TBC1D1: variants seen among roughly 807,000 people sequenced by gnomAD.
TBC1D1 encodes the protein TBC1 domain family member 1.
TBC1D1 carries 89 observed loss-of-function variants against 125.6 expected under a neutral mutation model. The observed-to-expected ratio is 0.71, with a 90% CI of 0.60 to 0.85. The LOEUF is 0.85. Ranked by LOEUF, TBC1D1 falls within the 40% of genes least tolerant of loss-of-function variation. The probability of loss-of-function intolerance (pLI) is 0.00; values close to 1 mark genes in which losing one functional copy is unlikely to be tolerated. For missense variants in TBC1D1, 1,377 were observed against 1,469.2 expected (o/e 0.94, Z 1.03); for synonymous variants, 565 against 564.1 (o/e 1.00, Z -0.02).
At chr4:38,058,545 G>A (rs1368104517) in intron 12 of TBC1D1, among the ~76,000 whole-genome samples, 1 of 152,198 alleles carries the variant, frequency 6.6e-6, no homozygotes, top group Admixed American at 6.5e-5. Context: ...GTGTGCTTGT[G>A]AGAAATAGAT....
intron 2 of TBC1D1, among the ~76,000 whole-genome samples, chr4:37,935,762 A>G (rs949071585): frequency 6.6e-6 from 1 of 152,134 alleles, no homozygotes; most frequent in Non-Finnish European, 1.5e-5. Flanking sequence ...AGCTAATAAG[A>G]GTCTCCGTTT....
intron 13 of TBC1D1, among the ~76,000 whole-genome samples, chr4:38,090,566 C>G (rs550842137): frequency 1.3e-5 from 2 of 151,984 alleles, no homozygotes; most frequent in South Asian, 4.1e-4. Flanking sequence ...TGCAAGTAAT[C>G]TGAAAAAAAA....
At chr4:37,971,417 G>A (rs1731994344) in intron 2 of TBC1D1, among the ~76,000 whole-genome samples, 1 of 152,170 alleles carries the variant, frequency 6.6e-6, no homozygotes, top group Non-Finnish European at 1.5e-5. Flanking sequence ...GAGAAGAATT[G>A]AGAGCCGAAC....
chr4:38,137,045 G>GTGCTCCCAAGGC, intron 19 of TBC1D1, 90 bp from the exon 22 acceptor site: 12 of 1,592,542 alleles, frequency 7.5e-6, no homozygotes, highest in Non-Finnish European at 1.0e-5. Flanking sequence ...CGGCTCCAGA[G>GTGCTCCCAAGGC]TGCTCCCAAG....
At chr4:38,133,331 C>T in intron 19 of TBC1D1, 74 bp downstream of exon 21, 1 of 1,421,746 alleles carries the variant, frequency 7.0e-7, no homozygotes. Flanking sequence ...AAGGCAACAG[C>T]AGGCTGGGCT....
chr4:38,045,419 G>A (rs1197828227), intron 9 of TBC1D1, among the ~76,000 whole-genome samples: 2 of 152,166 alleles, frequency 1.3e-5, no homozygotes, highest in African/African-American at 2.4e-5. Context: ...CCAGAGTTGG[G>A]AGGGGCTGCA....
intron 11 of TBC1D1, among the ~76,000 whole-genome samples, chr4:38,051,119 A>G (rs1043389144): frequency 6.6e-6 from 1 of 152,170 alleles, no homozygotes; most frequent in East Asian, 1.9e-4. Context: ...GGAGAGTCCT[A>G]GTTCTCTTGT....
At chr4:38,028,130 C>CAAAAA (rs543949534) in intron 7 of TBC1D1, among the ~76,000 whole-genome samples, 3 of 150,362 alleles carry the variant, frequency 2.0e-5, no homozygotes, top group East Asian at 1.9e-4. Flanking sequence ...AACAAACAAA[C>CAAAAA]AAAAAAAACA....
At chr4:38,061,862 T>TTTTACATGAAACATGA (rs1453418867) in intron 12 of TBC1D1, among the ~76,000 whole-genome samples, 1 of 152,204 alleles carries the variant, frequency 6.6e-6, no homozygotes, top group Non-Finnish European at 1.5e-5. Context: ...GATTTACATG[T>TTTTACATGAAACATGA]TTTACATGAA....
chr4:37,906,926 T>C (rs1717475127), intron 2 of TBC1D1, among the ~76,000 whole-genome samples: 1 of 152,236 alleles, frequency 6.6e-6, no homozygotes, highest in Non-Finnish European at 1.5e-5. Flanking sequence ...TTGGGTTATA[T>C]CTACTAATAT....
intron 17 of TBC1D1, among the ~76,000 whole-genome samples, chr4:38,121,221 C>A (rs999100107): frequency 3.9e-5 from 6 of 152,198 alleles, no homozygotes; most frequent in Admixed American, 1.3e-4. Flanking sequence ...TGGAGGACCG[C>A]AGCCTTCCAG....
intron 15 of TBC1D1, chr4:38,110,085 G>T (rs1284622091): frequency 6.0e-6 from 2 of 335,992 alleles, no homozygotes; most frequent in African/African-American, 4.5e-5. Flanking sequence ...TTTGTGGGTG[G>T]CCCCGTGTTT....
At chr4:37,970,947 C>CA (rs1050074450) in intron 2 of TBC1D1, among the ~76,000 whole-genome samples, 2 of 152,212 alleles carry the variant, frequency 1.3e-5, no homozygotes, top group African/African-American at 4.8e-5. Flanking sequence ...ACTGGCCCCC[C>CA]CCACTAGAGG....
chr4:38,035,299 G>A (rs1746997299), intron 7 of TBC1D1, among the ~76,000 whole-genome samples: 1 of 152,032 alleles, frequency 6.6e-6, no homozygotes, highest in Non-Finnish European at 1.5e-5. Flanking sequence ...TTTTCCTCTT[G>A]TTTTAAAAAC....
At chr4:38,007,631 A>G (rs939751339) in intron 2 of TBC1D1, among the ~76,000 whole-genome samples, 12 of 152,114 alleles carry the variant, frequency 7.9e-5, no homozygotes, top group African/African-American at 2.9e-4. Context: ...CCTCCTTAGT[A>G]CTTCTGTAGC....
chr4:37,959,453 G>A (rs1019916837), intron 2 of TBC1D1, among the ~76,000 whole-genome samples: 9 of 152,184 alleles, frequency 5.9e-5, no homozygotes, highest in African/African-American at 2.2e-4. Flanking sequence ...GGCTGAGGAG[G>A]AGGAGGAAGA....
chr4:38,071,609 C>T (rs1754714808), intron 12 of TBC1D1, among the ~76,000 whole-genome samples: 1 of 152,136 alleles, frequency 6.6e-6, no homozygotes, highest in African/African-American at 2.4e-5. Context: ...CATTGTGTTA[C>T]CCACTGTAGG....
At chr4:38,018,508 T>C (rs1376617277) in intron 4 of TBC1D1, 65 bp downstream of exon 4, 12 of 1,043,542 alleles carry the variant, frequency 1.1e-5, no homozygotes, top group Admixed American at 2.1e-5. Flanking sequence ...CTATAATATC[T>C]ATCATGTAAC....
At chr4:37,923,465 AC>A (rs1343475952) in intron 2 of TBC1D1, among the ~76,000 whole-genome samples, 1 of 152,098 alleles carries the variant, frequency 6.6e-6, no homozygotes, top group African/African-American at 2.4e-5. Flanking sequence ...TTGGGTATAT[AC>A]CCAGTAATGG....
Sources: gnomAD v4.1 joint callset for allele counts (sites outside exome capture counted in the v4.1 genomes callset) on GRCh38, gnomAD v4.1.1 for gene constraint, MANE v1.5 for transcripts, NCBI Gene and HGNC (gene_info 2026-07-23, HGNC 2026-07-21) for gene names.